The following CHIA variants were observed in gnomAD, a reference collection of about 807,000 sequenced individuals.
CHIA encodes the protein acidic mammalian chitinase.
Under a neutral mutation model 53.5 loss-of-function variants are expected in CHIA, and 47 were observed. The observed-to-expected ratio is 0.88, with a 90% CI of 0.70 to 1.12. The LOEUF (loss-of-function observed/expected upper bound fraction) is 1.12. Among genes scored for constraint, CHIA ranks in the 50% most tolerant of loss-of-function variants. The pLI, the probability that CHIA is intolerant of heterozygous loss-of-function variation, is 0.00. For missense variants in CHIA, 652 were observed against 592.2 expected (o/e 1.10, Z -1.05); for synonymous variants, 268 against 222.2 (o/e 1.21, Z -1.83).
intron 1 of CHIA, 133 bp from the exon 2 acceptor site, chr1:111,310,267 G>A (rs1334369506): frequency 9.4e-7 from 1 of 1,059,354 alleles, no homozygotes; most frequent in Non-Finnish European, 1.3e-6. Flanking sequence ...GTCCTTGTTG[G>A]GCAGAGAAGG....
Position 111,319,107 on chromosome 1 carries a change from T to G in CHIA, c.916-13T>G. On this transcript the variant is annotated splice_polypyrimidine_tract_variant and intron_variant, in intron 9 of 11. Transcript: ENST00000369740. ...TAACATTTAATAGATTTGAATCTCT[T>G]GACTTTTGAAAGATCTGTACCTTCC... The G allele has an allele frequency of 6.2e-7, 1 of 1,604,532 alleles. No homozygotes were observed. Among genetic ancestry groups the G allele is most frequent in the East Asian group, 2.2e-5 (1 of 44,858 alleles).
chr1:111,297,913 A>AAAAC (rs1439303537), intron 1 of CHIA, among the ~76,000 whole-genome samples: 16 of 148,346 alleles, frequency 1.1e-4, no homozygotes, highest in Admixed American at 9.5e-4. Context: ...AAAAAAAAAA[A>AAAAC]AAAAAAAAAA....
chr1:111,312,180 C>T lies in CHIA; in HGVS notation c.56-10C>T. ...ACCAGGCCATTGTCCCTCCTGCTGA[C>T]TACACACAGGCTCTGCCTACCAGCT... On this transcript the variant is annotated splice_polypyrimidine_tract_variant and intron_variant, in intron 3 of 11. Transcript: ENST00000369740. The T allele has an allele frequency of 6.2e-7, 1 of 1,612,376 alleles. No homozygotes were observed. Among genetic ancestry groups the T allele is most frequent in the Non-Finnish European group, 8.5e-7 (1 of 1,178,428 alleles).
At chr1:111,294,669 G>T (rs908853719) in intron 1 of CHIA, among the ~76,000 whole-genome samples, 1 of 152,118 alleles carries the variant, frequency 6.6e-6, no homozygotes, top group Middle Eastern at 3.2e-3. Flanking sequence ...TATGATATTT[G>T]CTGTGGGTTT....
Position 111,310,386 on chromosome 1 carries a change from T to C in CHIA, c.-68-14T>C, listed in dbSNP as rs1416032045. ...AACTACATACACATCTGGGTCAAAT[T>C]GTTCTCTATTTAGAAGCCTTTGTGA... On this transcript the variant is annotated splice_polypyrimidine_tract_variant and intron_variant, in intron 1 of 11. Coordinates refer to ENST00000369740, the MANE Select transcript of CHIA (RefSeq NM_201653.4). The C allele has an allele frequency of 6.2e-7, 1 of 1,602,166 alleles. No homozygotes were observed. Among genetic ancestry groups the C allele is most frequent in the Non-Finnish European group, 8.5e-7 (1 of 1,175,518 alleles).
rs921953875 is a variant in CHIA at position 111,318,749 on chromosome 1, A to T, written c.915+71A>T. The T allele has an allele frequency of 2.2e-4, 319 of 1,480,532 alleles. 2 individuals carry two copies. The Middle Eastern group carries it at 3.0e-3, about 14-fold the overall frequency. The allele number at this position is 1,480,532 out of a possible 1,614,324, so 91.7% of individuals were successfully genotyped here. A position where few individuals can be genotyped will look rare whatever the true frequency, so the allele number is the denominator to read the frequency against. ...TGCCTTAGGGCTAGAATCTGCTGAA[A>T]TCTTGAATGTTCATTCTGTCTCCTA... On this transcript the variant is annotated intron_variant, in intron 9 of 11. Coordinates refer to ENST00000369740, the MANE Select transcript of CHIA (RefSeq NM_201653.4).
intron 1 of CHIA, 52 bp downstream of exon 1, chr1:111,291,002 T>C: frequency 2.7e-6 from 1 of 368,942 alleles, no homozygotes; most frequent in East Asian, 8.9e-5. Flanking sequence ...CCATTGCAAT[T>C]TGATTGTTAT....
chr1:111,296,731 G>A (rs1661363632), intron 1 of CHIA, among the ~76,000 whole-genome samples: 1 of 152,224 alleles, frequency 6.6e-6, no homozygotes, highest in Non-Finnish European at 1.5e-5. Context: ...TGTTTGATGA[G>A]TTGACAGAAG....
intron 1 of CHIA, among the ~76,000 whole-genome samples, chr1:111,298,975 C>T (rs1647467752): frequency 6.6e-6 from 1 of 152,146 alleles, no homozygotes; most frequent in South Asian, 2.1e-4. Context: ...CACAAATAAA[C>T]CAGAAAATCT....
In CHIA at chr1:111,320,430, C is replaced by G. The variant is rs769386655; in HGVS notation, c.1395C>G (p.Val465=). The change falls in exon 12 of 12, where the codon GTC becomes GTG. Residue 465 remains valine, a synonymous_variant. Transcript: ENST00000369740. ...AGCAGAACTGCCAGGCCGGGCTTGTCTTCGACACCAGCTGTGATTGCTGCA... is the reference window on the plus strand; with the variant it reads ...AGCAGAACTGCCAGGCCGGGCTTGTGTTCGACACCAGCTGTGATTGCTGCA... ...TYQQNCQAGL[V]FDTSCDCCNW... is the part of the protein sequence containing the mutation. 1.3e-5 allele frequency: 21 copies of G among 1,614,070 alleles called. No individual in the cohort carries two copies. The highest frequency in any genetic ancestry group is 1.4e-5 in the Non-Finnish European group (16 of 1,180,024).
intron 1 of CHIA, among the ~76,000 whole-genome samples, chr1:111,296,310 G>T (rs556048190): frequency 6.6e-6 from 1 of 152,262 alleles, no homozygotes; most frequent in South Asian, 2.1e-4. Flanking sequence ...ATCCCAGTAG[G>T]GGCTGACTGA....
At chr1:111,315,669 T>G in intron 6 of CHIA, 1 of 569,870 alleles carries the variant, frequency 1.8e-6, no homozygotes, top group South Asian at 1.8e-5. Context: ...GAACCATAAC[T>G]CATTTCATCT....
intron 9 of CHIA, 107 bp from the exon 10 acceptor site, chr1:111,319,013 A>C: frequency 7.0e-7 from 1 of 1,432,350 alleles, no homozygotes; most frequent in Non-Finnish European, 9.3e-7. Context: ...TGTAACTAGA[A>C]ATTGAGCAAA....
In CHIA at chr1:111,319,512, C is replaced by T. The variant is rs140972112; in HGVS notation, c.1177+44C>T. On this transcript the variant is annotated intron_variant, in intron 11 of 11. Transcript: ENST00000369740. Reference sequence around the variant, plus strand: ...ATGCCCAGGTGTATAAATACCCCTTCTCCAACTCAAAAAGCAACCCTGATG... The same window carrying T: ...ATGCCCAGGTGTATAAATACCCCTTTTCCAACTCAAAAAGCAACCCTGATG... 3.8e-6 allele frequency: 6 copies of T among 1,596,826 alleles called. No homozygotes were observed. The African/African-American group carries it at 8.0e-5, about 21-fold the overall frequency.
At chr1:111,307,698 A>G (rs1395105531) in intron 1 of CHIA, among the ~76,000 whole-genome samples, 1 of 151,380 alleles carries the variant, frequency 6.6e-6, no homozygotes, top group East Asian at 1.9e-4. Context: ...CTGGAGTGCA[A>G]TGGCACTATC....
At chr1:111,310,551 G>A (rs1377241253) in intron 2 of CHIA, 59 bp downstream of exon 2, 1 of 1,612,170 alleles carries the variant, frequency 6.2e-7, no homozygotes, top group Non-Finnish European at 8.5e-7. Flanking sequence ...TCTCTCACAG[G>A]CTCTGAAAAT....
rs202013630 is a variant in CHIA, at chr1:111,312,331, T to C, written c.197T>C (p.Ile66Thr). 2 of 1,614,144 alleles carry C rather than the reference T, an allele frequency of 1.2e-6. No individual in the cohort carries two copies. Among genetic ancestry groups the C allele is most frequent in the Non-Finnish European group, 1.7e-6 (2 of 1,180,012 alleles). ...YAFAGRQNNE[I>T]TTIEWNDVTL... ...TTTGCTGGGAGGCAGAACAACGAGA[T>C]CACCACCATCGAATGGAATGATGTG... The change falls in exon 4 of 12, where the codon ATC (isoleucine) becomes ACC (threonine). Residue 66 changes from isoleucine (I) to threonine (T), a missense_variant. By Grantham distance (89) the Ile-to-Thr change is moderately conservative. Transcript: ENST00000369740.
chr1:111,312,097 C>A, intron 3 of CHIA, 93 bp from the exon 4 acceptor site: 1 of 935,644 alleles, frequency 1.1e-6, no homozygotes, highest in Non-Finnish European at 1.7e-6. Context: ...GCATCTGAGG[C>A]ACAGGGAGGG....
intron 1 of CHIA, among the ~76,000 whole-genome samples, chr1:111,306,298 G>A (rs1214193828): frequency 1.3e-5 from 2 of 152,144 alleles, no homozygotes. Context: ...TGGAGGGTGG[G>A]ATACCATTAG....
Sources: allele counts gnomAD v4.1 joint callset (sites outside exome capture counted in the v4.1 genomes callset), GRCh38; gene constraint gnomAD v4.1.1; transcripts MANE v1.5; gene names NCBI Gene and HGNC (gene_info 2026-07-23, HGNC 2026-07-21).